The following SIAH3 variants were observed in gnomAD, a reference collection of about 807,000 sequenced individuals.
The protein encoded by SIAH3 is siah E3 ubiquitin protein ligase family member 3.
Under a neutral mutation model 12.6 loss-of-function variants are expected in SIAH3, and 9 were observed. The ratio of observed to expected loss-of-function variants is 0.72; its 90% confidence interval spans 0.43 to 1.25. The LOEUF (loss-of-function observed/expected upper bound fraction) is 1.25. SIAH3 is among the 50% of genes most tolerant of loss of function. SIAH3 has a pLI of 0.00. For synonymous variants in SIAH3, 154 were observed against 151.1 expected, an observed-to-expected ratio of 1.02 and a Z score of -0.14; for missense variants, 390 against 365.4, an observed-to-expected ratio of 1.07 and a Z score of -0.55.
intron 1 of SIAH3, among the ~76,000 whole-genome samples, chr13:45,810,930 C>A (rs1004513472): frequency 1.3e-5 from 2 of 152,142 alleles, no homozygotes; most frequent in Non-Finnish European, 2.9e-5. Flanking sequence ...TGCTTGCATA[C>A]CCATATCTGT....
intron 1 of SIAH3, among the ~76,000 whole-genome samples, chr13:45,820,232 C>T (rs1183529423): frequency 3.3e-5 from 5 of 152,148 alleles, no homozygotes; most frequent in Non-Finnish European, 7.4e-5. Flanking sequence ...TTCACAGCAC[C>T]ACGAGCGAAC....
chr13:45,848,125 G>C (rs951528297), intron 1 of SIAH3, among the ~76,000 whole-genome samples: 5 of 152,174 alleles, frequency 3.3e-5, no homozygotes, highest in Non-Finnish European at 7.4e-5. Flanking sequence ...GCGCCCTCAT[G>C]AGCGCCAGCC....
chr13:45,830,221 T>C (rs1009601488), intron 1 of SIAH3, among the ~76,000 whole-genome samples: 2 of 152,170 alleles, frequency 1.3e-5, no homozygotes, highest in African/African-American at 2.4e-5. Context: ...TTCCATCCCA[T>C]ACCTGATGTA....
At position 45,835,783 on chromosome 13, in the gene SIAH3, C is replaced by T. The variant is rs184587763; in HGVS notation, c.135+15712G>A. Among the ~76,000 whole-genome samples the T allele has an allele frequency of 5.3e-5, 8 of 152,344 alleles. No homozygotes were observed. In the East Asian group the frequency reaches 1.3e-3, roughly 26 times the overall value. ...CCATAGGCTGGAGGGATCTGCGGGG[C>T]TTGGGACCAAGTCTCACTGCTCCTC... On this transcript the variant is annotated intron_variant, in intron 1 of 1. Coordinates refer to ENST00000400405, the MANE Select transcript of SIAH3 (RefSeq NM_198849.3).
intron 1 of SIAH3, among the ~76,000 whole-genome samples, chr13:45,786,682 T>C (rs1950529086): frequency 6.6e-6 from 1 of 152,224 alleles, no homozygotes; most frequent in African/African-American, 2.4e-5. Context: ...AGATGTGGTT[T>C]TGGGTGAAGA....
At chr13:45,833,054 G>A (rs755036685) in intron 1 of SIAH3, among the ~76,000 whole-genome samples, 8 of 152,188 alleles carry the variant, frequency 5.3e-5, no homozygotes, top group Non-Finnish European at 1.2e-4. Context: ...CAGAGGTGGG[G>A]GGAAACTGCA....
chr13:45,783,952 G>T lies in SIAH3; in HGVS notation c.241C>A (p.Leu81Ile). ...HHCHHRHHHH[L>I]RHHAHPHHLH... ...TGGTGGGGGTGGGCGTGGTGGCGGA[G>T]GTGGTGGTGGTGGCGGTGGTGGCAG... Residue 81 changes from leucine to isoleucine, a missense_variant, in exon 2 of 2, where the codon CTC (leucine) becomes ATC (isoleucine). Leu to Ile is a conservative substitution (Grantham distance 5). Transcript: ENST00000400405. 1 of 1,603,546 alleles carries T rather than the reference G, an allele frequency of 6.2e-7. No individual in the cohort carries two copies. The highest frequency in any genetic ancestry group is 8.5e-7 in the Non-Finnish European group (1 of 1,175,376).
At chr13:45,800,984 G>C (rs1321317853) in intron 1 of SIAH3, among the ~76,000 whole-genome samples, 1 of 151,598 alleles carries the variant, frequency 6.6e-6, no homozygotes, top group Non-Finnish European at 1.5e-5. Context: ...GGTAGACTCT[G>C]CCTGTGTCCA....
Position 45,845,119 on chromosome 13 carries a change from G to A in SIAH3, c.135+6376C>T, listed in dbSNP as rs199535906. Among the ~76,000 whole-genome samples the A allele has an allele frequency of 5.3e-5, 8 of 151,600 alleles. No individual in the cohort carries two copies. The East Asian group carries it at 7.7e-4, about 15-fold the overall frequency. On this transcript the variant is annotated intron_variant, in intron 1 of 1. Coordinates refer to ENST00000400405, the MANE Select transcript of SIAH3 (RefSeq NM_198849.3). ...ATACTATGCTATATATTTAATCTTC[G>A]TATTGTCTCCAATAATAGATGTATA...
At chr13:45,821,123 G>T (rs1361006462) in intron 1 of SIAH3, among the ~76,000 whole-genome samples, 1 of 152,334 alleles carries the variant, frequency 6.6e-6, no homozygotes, top group South Asian at 2.1e-4. Context: ...ATTGAATTAA[G>T]GTGAGGTCAT....
At chr13:45,833,396 C>T (rs1222707485) in intron 1 of SIAH3, among the ~76,000 whole-genome samples, 2 of 152,074 alleles carry the variant, frequency 1.3e-5, no homozygotes, top group African/African-American at 4.8e-5. Flanking sequence ...CACCCTGGGT[C>T]TTTTTTGGTA....
chr13:45,786,571 A>C (rs1056007813), intron 1 of SIAH3, among the ~76,000 whole-genome samples: 1 of 152,194 alleles, frequency 6.6e-6, no homozygotes, highest in African/African-American at 2.4e-5. Context: ...CATTGGCAAA[A>C]TATTTATCTC....
intron 1 of SIAH3, among the ~76,000 whole-genome samples, chr13:45,798,703 A>G (rs551094060): frequency 1.3e-5 from 2 of 152,342 alleles, no homozygotes; most frequent in South Asian, 2.1e-4. Flanking sequence ...CTGGCCCTAT[A>G]GAAGCTCTCC....
intron 1 of SIAH3, among the ~76,000 whole-genome samples, chr13:45,848,585 T>G (rs1950768576): frequency 6.6e-6 from 1 of 152,168 alleles, no homozygotes; most frequent in Non-Finnish European, 1.5e-5. Context: ...AAATACACAA[T>G]TTTCTTTGCT....
At chr13:45,800,899 G>A (rs1388011553) in intron 1 of SIAH3, among the ~76,000 whole-genome samples, 2 of 152,128 alleles carry the variant, frequency 1.3e-5, no homozygotes, top group African/African-American at 4.8e-5. Flanking sequence ...CGTCTTTGTG[G>A]GCGACCTCTC....
At chr13:45,851,425 G>C (rs977214811) in intron 1 of SIAH3, 70 bp downstream of exon 1, 1 of 1,596,506 alleles carries the variant, frequency 6.3e-7, no homozygotes, top group East Asian at 2.2e-5. Context: ...GTTCGCCGGA[G>C]GGTCGCTGCC....
chr13:45,783,328 A>C lies in SIAH3; in HGVS notation c.*55T>G. On this transcript the variant is annotated 3_prime_UTR_variant, in exon 2 of 2. Transcript: ENST00000400405. ...AGGAGTCTGGAGTCCTGGTATTGGGAGGTCCCAGGCGTTTCCTAGGGAGGC... is the reference window on the plus strand; with the variant it reads ...AGGAGTCTGGAGTCCTGGTATTGGGCGGTCCCAGGCGTTTCCTAGGGAGGC... 1 of 1,432,428 alleles carries C rather than the reference A, an allele frequency of 7.0e-7. No individual in the cohort carries two copies. The allele number at this position is 1,432,428 out of a possible 1,614,324, so 88.7% of individuals were successfully genotyped here.
At chr13:45,846,315 C>G (rs996894002) in intron 1 of SIAH3, among the ~76,000 whole-genome samples, 3 of 152,032 alleles carry the variant, frequency 2.0e-5, no homozygotes, top group African/African-American at 7.2e-5. Context: ...GTCTCAAACT[C>G]CTGACCTAAG....
At chr13:45,830,941 G>C (rs1318828075) in intron 1 of SIAH3, among the ~76,000 whole-genome samples, 1 of 152,174 alleles carries the variant, frequency 6.6e-6, no homozygotes, top group Non-Finnish European at 1.5e-5. Context: ...CACTTTGGGA[G>C]GCTGAGGCAG....
Sources: gnomAD v4.1 joint callset for allele counts (sites outside exome capture counted in the v4.1 genomes callset) on GRCh38, gnomAD v4.1.1 for gene constraint, MANE v1.5 for transcripts, NCBI Gene and HGNC (gene_info 2026-07-23, HGNC 2026-07-21) for gene names.